Variants in PLEKHG1 observed in about 807,000 individuals in gnomAD.
The protein encoded by PLEKHG1 is pleckstrin homology domain-containing family G member 1.
In PLEKHG1, 44 loss-of-function variants were observed where a neutral mutation model predicts 100.8. That is an observed-to-expected ratio of 0.44 (90% CI 0.34 to 0.56). PLEKHG1 has a LOEUF of 0.56. Among genes scored for constraint, PLEKHG1 ranks in the 20% least tolerant of loss-of-function variants. The probability of loss-of-function intolerance (pLI) is 0.01; values close to 1 mark genes in which losing one functional copy is unlikely to be tolerated. For synonymous variants in PLEKHG1, 640 were observed against 662.5 expected (o/e 0.97, Z 0.52); for missense variants, 1,545 against 1,720.9 (o/e 0.90, Z 1.81).
chr6:150,618,670 AT>A (rs1777165487), intron 1 of PLEKHG1, among the ~76,000 whole-genome samples: 1 of 152,248 alleles, frequency 6.6e-6, no homozygotes, highest in Non-Finnish European at 1.5e-5. Context: ...AATAGGATTT[AT>A]TTAATTTTAA....
chr6:150,677,302 ACG>A (rs377732298), intron 3 of PLEKHG1, among the ~76,000 whole-genome samples: 8 of 144,376 alleles, frequency 5.5e-5, no homozygotes, highest in South Asian at 2.2e-4. Context: ...ACACACACAC[ACG>A]CGCGCGCGCA....
chr6:150,825,828 G>T (rs1320768897), intron 14 of PLEKHG1, among the ~76,000 whole-genome samples: 1 of 152,202 alleles, frequency 6.6e-6, no homozygotes, highest in East Asian at 1.9e-4. Context: ...AATGCAACAT[G>T]TTCTTAAAAG....
chr6:150,681,799 A>G (rs1779944643), intron 3 of PLEKHG1, among the ~76,000 whole-genome samples: 1 of 152,122 alleles, frequency 6.6e-6, no homozygotes, highest in African/African-American at 2.4e-5. Context: ...AAACCTGTGA[A>G]TGAGCTTCCT....
chr6:150,688,712 G>T (rs1780234226), intron 3 of PLEKHG1, among the ~76,000 whole-genome samples: 1 of 152,090 alleles, frequency 6.6e-6, no homozygotes, highest in Non-Finnish European at 1.5e-5. Flanking sequence ...TCAGAGCTTT[G>T]CAAGGTAACA....
rs768220416 is a variant in PLEKHG1, at chr6:150,836,736, T to G, written c.3095-3097T>G. 2.0e-5 allele frequency among the ~76,000 whole-genome samples: 3 copies of G among 151,712 alleles called. No individual in the cohort carries two copies. In the South Asian group the frequency reaches 6.2e-4, roughly 32 times the overall value. On this transcript the variant is annotated intron_variant, in intron 15 of 15. Coordinates refer to ENST00000358517, the Ensembl canonical transcript of PLEKHG1. ...TACTCAGGAGGCTGAGGCAAGAGGA[T>G]TATTTGAGCCCAGGAGTCTGAGGCT... is the stretch of plus-strand genomic sequence containing the variant.
chr6:150,791,092 G>A (rs891509174), intron 4 of PLEKHG1, among the ~76,000 whole-genome samples: 4 of 152,162 alleles, frequency 2.6e-5, no homozygotes, highest in African/African-American at 9.7e-5. Context: ...GTACAGCACT[G>A]TGGTTCCCAA....
intron 3 of PLEKHG1, among the ~76,000 whole-genome samples, chr6:150,783,743 T>G (rs924249139): frequency 6.6e-6 from 1 of 152,070 alleles, no homozygotes; most frequent in African/African-American, 2.4e-5. Context: ...CTGAAAAAGC[T>G]TTTTTGTTTA....
chr6:150,609,330 G>A (rs1323763917), intron 1 of PLEKHG1, among the ~76,000 whole-genome samples: 1 of 152,198 alleles, frequency 6.6e-6, no homozygotes, highest in African/African-American at 2.4e-5. Flanking sequence ...ATTTGCTTGG[G>A]TGGTCAGAAA....
rs71554473 is a variant in PLEKHG1, at chr6:150,641,876, C to CAAAAAAAAAA, written c.-158+3765_-158+3774dup. 4.2e-3 allele frequency among the ~76,000 whole-genome samples: 320 copies of CAAAAAAAAAA among 76,798 alleles called. 3 individuals carry two copies. Among genetic ancestry groups the CAAAAAAAAAA allele is most frequent in the Admixed American group, 7.3e-3 (34 of 4,640 alleles). 50.4% of individuals were successfully genotyped at this position (76,798 alleles called of 152,430 possible). A position where few individuals can be genotyped will look rare whatever the true frequency, so the allele number is the denominator to read the frequency against. ...GTTTTACTTGACTGATGTGAAAAGG[C>CAAAAAAAAAA]AAAAAAAAAAAAAAAAAAAAAAAGC... On this transcript the variant is annotated intron_variant, in intron 2 of 3. Coordinates refer to the PLEKHG1 transcript ENST00000367326.
intron 11 of PLEKHG1, among the ~76,000 whole-genome samples, chr6:150,818,611 T>C (rs530516189): frequency 8.5e-5 from 13 of 152,346 alleles, no homozygotes; most frequent in African/African-American, 2.9e-4. Context: ...CTTCGTAGTA[T>C]TGGTTTTCCT....
intron 1 of PLEKHG1, among the ~76,000 whole-genome samples, chr6:150,603,644 A>C (rs1582883336): frequency 6.6e-6 from 1 of 152,252 alleles, no homozygotes; most frequent in South Asian, 2.1e-4. Flanking sequence ...TTTGAGGCTG[A>C]GTATCTTTTC....
chr6:150,834,091 C>T (rs983261847), intron 15 of PLEKHG1, among the ~76,000 whole-genome samples: 2 of 152,016 alleles, frequency 1.3e-5, no homozygotes, highest in African/African-American at 4.8e-5. Context: ...GATAGGGAAA[C>T]AAAGTGCTGG....
chr6:150,741,372 G>T (rs560807151), intron 2 of PLEKHG1, among the ~76,000 whole-genome samples: 3 of 152,180 alleles, frequency 2.0e-5, no homozygotes, highest in Non-Finnish European at 4.4e-5. Flanking sequence ...GAGTCAAAAT[G>T]TAGGCAATGA....
chr6:150,670,874 C>G (rs1582918818), intron 3 of PLEKHG1, among the ~76,000 whole-genome samples: 1 of 150,936 alleles, frequency 6.6e-6, no homozygotes, highest in Non-Finnish European at 1.5e-5. Context: ...CCCTTGCCCC[C>G]CCCTCCCATT....
intron 2 of PLEKHG1, among the ~76,000 whole-genome samples, chr6:150,644,271 A>G (rs1778387348): frequency 6.6e-6 from 1 of 151,752 alleles, no homozygotes; most frequent in Non-Finnish European, 1.5e-5. Flanking sequence ...TAAAGAACTA[A>G]TAAAGTCAAT....
At chr6:150,677,302 A>ACACG (rs1330706966) in intron 3 of PLEKHG1, among the ~76,000 whole-genome samples, 49 of 144,404 alleles carry the variant, frequency 3.4e-4, no homozygotes, top group Non-Finnish European at 4.5e-4. Context: ...ACACACACAC[A>ACACG]CGCGCGCGCG....
chr6:150,619,689 TAA>T (rs1423916766), intron 1 of PLEKHG1, among the ~76,000 whole-genome samples: 1 of 152,122 alleles, frequency 6.6e-6, no homozygotes, highest in Non-Finnish European at 1.5e-5. Flanking sequence ...AGTACAGGGG[TAA>T]AGAAAATAAA....
intron 2 of PLEKHG1, among the ~76,000 whole-genome samples, chr6:150,751,476 T>G (rs936339288): frequency 4.6e-5 from 7 of 152,174 alleles, no homozygotes; most frequent in South Asian, 2.1e-4. Context: ...AGCGATGGCA[T>G]CTCCACCAGC....
At position 150,834,765 on chromosome 6, in the gene PLEKHG1, C is replaced by T. The variant is rs1366693829; in HGVS notation, c.3094+2560C>T. On this transcript the variant is annotated intron_variant, in intron 15 of 15. Coordinates refer to ENST00000358517, the Ensembl canonical transcript of PLEKHG1. ...TCTTGACATGGTGGGCTCCTGTCGA[C>T]GTTCTCCCCAGCAAGGAGGAGGAAA... Among the ~76,000 whole-genome samples the T allele has an allele frequency of 5.3e-5, 8 of 152,282 alleles. No homozygotes were observed. The East Asian group carries it at 9.7e-4, about 18-fold the overall frequency.
Sources: allele counts gnomAD v4.1 joint callset (sites outside exome capture counted in the v4.1 genomes callset), GRCh38; gene constraint gnomAD v4.1.1; transcripts MANE v1.5; gene names NCBI Gene and HGNC (gene_info 2026-07-23, HGNC 2026-07-21).